CCDC30: variants seen among roughly 807,000 people sequenced by gnomAD.
CCDC30 encodes the protein coiled-coil domain containing 30, also known as coiled-coil domain-containing protein 30.
CCDC30 carries 70 observed loss-of-function variants against 100.2 expected under a neutral mutation model. The ratio of observed to expected loss-of-function variants is 0.70; its 90% confidence interval spans 0.58 to 0.85. The LOEUF is 0.85. Among genes scored for constraint, CCDC30 ranks in the 40% least tolerant of loss-of-function variants. The pLI is 0.00. For synonymous variants in CCDC30, 233 were observed against 269.5 expected (o/e 0.86, Z 1.33); for missense variants, 652 against 771.2 (o/e 0.85, Z 1.83).
At chr1:42,612,851 T>A (rs72637939) in intron 11 of CCDC30, among the ~76,000 whole-genome samples, 19,443 of 152,218 alleles carry the variant, frequency 0.13, 1,421 homozygotes, top group South Asian at 0.28. Context: ...CACAACATAA[T>A]CCTAATTTGG....
chr1:42,459,638 T>C (rs532524326), upstream of CCDC30: 1 of 1,614,070 alleles, frequency 6.2e-7, no homozygotes, highest in East Asian at 2.2e-5. Context: ...TGCTTTCTCC[T>C]TTGGTTAAAG....
chr1:42,486,402 T>C lies in CCDC30; in HGVS notation c.169+3586T>C, dbSNP rs1305579747. 2.0e-5 allele frequency among the ~76,000 whole-genome samples: 3 copies of C among 152,200 alleles called. 1 individual carries two copies. The highest frequency in any genetic ancestry group is 1.9e-4 in the East Asian group (1 of 5,200). ...AGGGTTTCCACCATTCCTTAACCAA[T>C]AGTGGCTCACTGTGCCTAAGCTGTT... On this transcript the variant is annotated intron_variant, in intron 3 of 16. Transcript: ENST00000668663.
upstream of CCDC30, among the ~76,000 whole-genome samples, chr1:42,460,922 C>T (rs1643393785): frequency 2.6e-5 from 4 of 152,328 alleles, no homozygotes; most frequent in South Asian, 8.3e-4. Flanking sequence ...CAGTGTTACA[C>T]CACTGCCCTG....
chr1:42,465,863 G>A (rs11799356), intron 1 of CCDC30, among the ~76,000 whole-genome samples: 59,068 of 152,046 alleles, frequency 0.39, 11,974 homozygotes, highest in East Asian at 0.59. Flanking sequence ...AGTAGTGCCA[G>A]GGTTGAGAAA....
At chr1:42,652,961 T>C (rs996941596) in intron 15 of CCDC30, among the ~76,000 whole-genome samples, 5 of 152,204 alleles carry the variant, frequency 3.3e-5, no homozygotes, top group Non-Finnish European at 5.9e-5. Context: ...ACAGTGGTGA[T>C]GGTTGCATAA....
chr1:42,629,308 G>A (rs922561477), intron 11 of CCDC30, among the ~76,000 whole-genome samples: 1 of 152,096 alleles, frequency 6.6e-6, no homozygotes, highest in African/African-American at 2.4e-5. Context: ...ACTATTCTAG[G>A]GTAAAAGTTT....
At chr1:42,570,852 A>G (rs1227656709) in intron 7 of CCDC30, 1 of 151,432 alleles carries the variant, frequency 6.6e-6, no homozygotes, top group Non-Finnish European at 1.5e-5. Context: ...TACTTTATTT[A>G]TTTTTTCTGT....
intron 9 of CCDC30, among the ~76,000 whole-genome samples, chr1:42,582,797 A>G (rs966071633): frequency 6.6e-6 from 1 of 152,118 alleles, no homozygotes; most frequent in Non-Finnish European, 1.5e-5. Context: ...CTTCAGTATC[A>G]TATTGGTAAA....
intron 9 of CCDC30, 36 bp downstream of exon 13, chr1:42,581,550 T>C (rs1298492084): frequency 4.4e-6 from 7 of 1,580,422 alleles, no homozygotes; most frequent in Non-Finnish European, 6.0e-6. Context: ...CCTGTGGGTT[T>C]AGCCATGACT....
At chr1:42,613,524 G>A (rs886522714) in intron 11 of CCDC30, among the ~76,000 whole-genome samples, 3 of 152,186 alleles carry the variant, frequency 2.0e-5, no homozygotes, top group African/African-American at 7.2e-5. Flanking sequence ...AAAGTGCTGG[G>A]ATTACAGGCG....
At chr1:42,566,182 C>T in intron 6 of CCDC30, 114 bp from the exon 11 acceptor site, 1 of 773,682 alleles carries the variant, frequency 1.3e-6, no homozygotes, top group Non-Finnish European at 2.1e-6. Context: ...ACTCCAAAAA[C>T]ATTTACATGT....
At chr1:42,536,110 A>C (rs1172561439) in intron 6 of CCDC30, among the ~76,000 whole-genome samples, 1 of 152,138 alleles carries the variant, frequency 6.6e-6, no homozygotes, top group South Asian at 2.1e-4. Flanking sequence ...ACATGTGGTA[A>C]GTCCTCAATA....
At chr1:42,638,521 A>T (rs1647203445) in intron 12 of CCDC30, among the ~76,000 whole-genome samples, 1 of 151,492 alleles carries the variant, frequency 6.6e-6, no homozygotes, top group South Asian at 2.1e-4. Flanking sequence ...GAAAGTGTAT[A>T]AGAAAAAGTA....
At chr1:42,539,363 G>A in intron 6 of CCDC30, 53 bp downstream of exon 8, 1 of 1,469,920 alleles carries the variant, frequency 6.8e-7, no homozygotes, top group East Asian at 2.4e-5. Flanking sequence ...GCTTTTATGA[G>A]GATAGGTTAA....
chr1:42,536,072 G>A (rs1644898991), intron 6 of CCDC30, among the ~76,000 whole-genome samples: 1 of 151,770 alleles, frequency 6.6e-6, no homozygotes, highest in African/African-American at 2.4e-5. Flanking sequence ...ATGAAATAAT[G>A]CATCTAACAT....
At chr1:42,646,549 A>G (rs1383761386) in intron 15 of CCDC30, among the ~76,000 whole-genome samples, 1 of 152,214 alleles carries the variant, frequency 6.6e-6, no homozygotes, top group Non-Finnish European at 1.5e-5. Context: ...GAAGACAGGC[A>G]TATCCCTGAA....
Position 42,642,626 on chromosome 1 carries a change from C to T in CCDC30, c.1556+17C>T. The T allele has an allele frequency of 2.6e-6, 4 of 1,534,404 alleles. No homozygotes were observed. Among genetic ancestry groups the T allele is most frequent in the Non-Finnish European group, 3.5e-6 (4 of 1,140,470 alleles). The stretch of plus-strand genomic sequence containing the variant: ...CCAGAGCAGGTAGGTGCCATCCTGC[C>T]TGGGAGCCAATAAACTCCACAAGAG... On this transcript the variant is annotated intron_variant, in intron 13 of 16. Coordinates refer to ENST00000668663, the Ensembl canonical transcript of CCDC30.
At chr1:42,506,947 A>G (rs1047668944) in intron 6 of CCDC30, among the ~76,000 whole-genome samples, 1 of 151,892 alleles carries the variant, frequency 6.6e-6, no homozygotes, top group African/African-American at 2.4e-5. Flanking sequence ...TTTTTTTTAG[A>G]TGGAATTTTG....
intron 10 of CCDC30, among the ~76,000 whole-genome samples, chr1:42,603,047 A>G (rs989615464): frequency 4.6e-5 from 7 of 152,224 alleles, no homozygotes. Flanking sequence ...TATTGATGCT[A>G]TCTTAGTCTG....
Sources: gnomAD v4.1 joint callset for allele counts (sites outside exome capture counted in the v4.1 genomes callset) on GRCh38, gnomAD v4.1.1 for gene constraint, MANE v1.5 for transcripts, NCBI Gene and HGNC (gene_info 2026-07-23, HGNC 2026-07-21) for gene names.